The following TM2D1 variants were observed in gnomAD, a reference collection of about 807,000 sequenced individuals.
TM2D1 encodes TM2 domain containing 1.
Under a neutral mutation model 28.4 loss-of-function variants are expected in TM2D1, and 15 were observed. The ratio of observed to expected loss-of-function variants is 0.53; its 90% confidence interval spans 0.35 to 0.81. The LOEUF is 0.81. Ranked by LOEUF, TM2D1 falls within the 40% of genes least tolerant of loss-of-function variation. The probability of loss-of-function intolerance (pLI) is 0.01; values close to 1 mark genes in which losing one functional copy is unlikely to be tolerated. For synonymous variants in TM2D1, 93 were observed against 96.2 expected (o/e 0.97, Z 0.20); for missense variants, 236 against 254.9 (o/e 0.93, Z 0.50).
chr1:61,685,253 T>C (rs1644276809), intron 5 of TM2D1, among the ~76,000 whole-genome samples: 1 of 152,246 alleles, frequency 6.6e-6, no homozygotes, highest in South Asian at 2.1e-4. Flanking sequence ...GTAGGTGATA[T>C]TTAAAATCCT....
rs117279503 is a variant in TM2D1, at chr1:61,724,662, A to G, written c.164+295T>C. 1.3e-3 allele frequency among the ~76,000 whole-genome samples: 201 copies of G among 152,258 alleles called. 7 individuals carry two copies. In the East Asian group the frequency reaches 0.027, roughly 20 times the overall value. ...TCTAGAACGGGGCCTGGCATACTTC[A>G]GGATCTACATGTTTTACTGAACAAG... On this transcript the variant is annotated intron_variant, in intron 1 of 6. Coordinates refer to ENST00000606498, the MANE Select transcript of TM2D1 (RefSeq NM_032027.3).
rs1644351933 is a variant in TM2D1 at position 61,694,724 on chromosome 1, T to G, written c.486A>C (p.Leu162=). The G allele has an allele frequency of 2.1e-5, 34 of 1,607,686 alleles. No homozygotes were observed. Among genetic ancestry groups the G allele is most frequent in the Non-Finnish European group, 2.9e-5 (34 of 1,177,092 alleles). ...GCATTGAAATAAGAATGAAATCAATTAGGCTCCCAATTCCACAAAACCCTA... is the reference window on the plus strand; with the variant it reads ...GCATTGAAATAAGAATGAAATCAATGAGGCTCCCAATTCCACAAAACCCTA... ...CTVGFCGIGS[L]IDFILISMQI... is the part of the protein sequence containing the mutation. Residue 162 remains leucine, a synonymous_variant, in exon 5 of 7, where the codon CTA becomes CTC. Coordinates refer to ENST00000606498, the MANE Select transcript of TM2D1 (RefSeq NM_032027.3).
intron 2 of TM2D1, among the ~76,000 whole-genome samples, chr1:61,722,234 T>C (rs1644573276): frequency 6.6e-6 from 1 of 152,032 alleles, no homozygotes; most frequent in African/African-American, 2.4e-5. Context: ...TGCAGTGAAC[T>C]GAGATGGCAC....
chr1:61,694,609 G>T (rs560439870), intron 5 of TM2D1, 88 bp downstream of exon 5: 2 of 848,014 alleles, frequency 2.4e-6, no homozygotes, highest in Non-Finnish European at 3.6e-6. Flanking sequence ...CTGCTTCCTC[G>T]TATACTAAAC....
Position 61,683,496 on chromosome 1 carries a change from G to C in TM2D1, c.564C>G (p.Thr188=). The C allele has an allele frequency of 6.5e-7, 1 of 1,544,692 alleles. No homozygotes were observed. The highest frequency in any genetic ancestry group is 1.3e-5 in the South Asian group (1 of 76,748). ...GSSYIIDYYG[T]RLTRLSITNE... The stretch of plus-strand genomic sequence containing the variant: ...TAGTAATACTCAGTCTTGTAAGTCT[G>C]GTTCCATAGTAATCTATAATGTAAC... The change falls in exon 6 of 7, where the codon ACC becomes ACG. Residue 188 remains threonine (T), a synonymous_variant. Transcript: ENST00000606498.
In TM2D1 at chr1:61,710,461, T is replaced by C. The variant is rs1182169742; in HGVS notation, c.239-1024A>G. 2.5e-3 allele frequency among the ~76,000 whole-genome samples: 245 copies of C among 97,090 alleles called. 2 individuals carry two copies. The highest frequency in any genetic ancestry group is 8.1e-3 in the South Asian group (23 of 2,850). The allele number at this position is 97,090 out of a possible 152,430, so 63.7% of individuals were successfully genotyped here. ...AAAAAAAAAAATGTATATATATATA[T>C]ACATATATATATATACACACACACA... On this transcript the variant is annotated intron_variant, in intron 2 of 6. Transcript: ENST00000606498.
chr1:61,715,456 T>C (rs1260226447), intron 2 of TM2D1, among the ~76,000 whole-genome samples: 3 of 151,836 alleles, frequency 2.0e-5, no homozygotes, highest in African/African-American at 7.2e-5. Flanking sequence ...GAGACCAGCC[T>C]GGCCAACATG....
chr1:61,721,064 CCAAAAAAATA>C (rs1265840446), intron 2 of TM2D1, among the ~76,000 whole-genome samples: 2 of 151,344 alleles, frequency 1.3e-5, no homozygotes, highest in African/African-American at 4.9e-5. Context: ...ACTCACCCCT[CCAAAAAAATA>C]CAAAAAATTA....
At chr1:61,717,726 AC>A (rs1644532679) in intron 2 of TM2D1, among the ~76,000 whole-genome samples, 1 of 152,054 alleles carries the variant, frequency 6.6e-6, no homozygotes. Flanking sequence ...GGCACACACC[AC>A]CACCACACCT....
chr1:61,688,570 A>T (rs1452016343), intron 5 of TM2D1, among the ~76,000 whole-genome samples: 1 of 152,110 alleles, frequency 6.6e-6, no homozygotes, highest in Non-Finnish European at 1.5e-5. Context: ...TAAAAATACA[A>T]AAATCAGCTG....
intron 4 of TM2D1, chr1:61,698,579 T>C (rs2148046001): frequency 6.7e-6 from 1 of 148,808 alleles, no homozygotes; most frequent in Admixed American, 6.7e-5. Flanking sequence ...AAAAAGAATG[T>C]ATATTCCAGA....
intron 5 of TM2D1, among the ~76,000 whole-genome samples, chr1:61,691,932 A>AAATATATATATATATATATATATATAT: frequency 2.6e-5 from 2 of 76,400 alleles, no homozygotes; most frequent in Non-Finnish European, 5.2e-5. Flanking sequence ...AAAAAAAAAA[A>AAATATATATATATATATATATATATAT]ATATATATAT....
At chr1:61,704,751 C>G (rs1557533375) in intron 3 of TM2D1, among the ~76,000 whole-genome samples, 1 of 151,902 alleles carries the variant, frequency 6.6e-6, no homozygotes, top group African/African-American at 2.4e-5. Flanking sequence ...TTTAAGAAAG[C>G]CAAGAAAGTA....
Position 61,696,921 on chromosome 1 carries a change from AT to A in TM2D1, c.440-2152del, listed in dbSNP as rs564537221. ...TTACAGGCCATCACACCTGGCCTAA[AT>A]TTTTTTTTTTTTCTCATACCTCTCA... On this transcript the variant is annotated intron_variant, in intron 4 of 6. Coordinates refer to ENST00000606498, the MANE Select transcript of TM2D1 (RefSeq NM_032027.3). Among the ~76,000 whole-genome samples, 427 of 146,466 alleles carry A rather than the reference AT, an allele frequency of 2.9e-3. 2 individuals carry two copies. The highest frequency in any genetic ancestry group is 6.0e-3 in the African/African-American group (243 of 40,236).
intron 3 of TM2D1, among the ~76,000 whole-genome samples, chr1:61,706,331 G>A (rs1644440030): frequency 6.6e-6 from 1 of 152,170 alleles, no homozygotes; most frequent in African/African-American, 2.4e-5. Context: ...AGCCTCTCGA[G>A]TAGCTGGGAC....
At chr1:61,717,201 AC>A (rs1301804739) in intron 2 of TM2D1, among the ~76,000 whole-genome samples, 13 of 125,152 alleles carry the variant, frequency 1.0e-4, no homozygotes, top group Admixed American at 7.9e-4. Context: ...ACAAAACAAA[AC>A]AAAAAAAAAA....
chr1:61,691,611 T>G (rs776962287), intron 5 of TM2D1, among the ~76,000 whole-genome samples: 2 of 151,204 alleles, frequency 1.3e-5, no homozygotes, highest in Non-Finnish European at 2.9e-5. Context: ...CTATCCTTCA[T>G]GACATATATA....
rs756903857 is a variant in TM2D1 at position 61,694,716 on chromosome 1, A to T, written c.494T>A (p.Phe165Tyr). ...ACTTACCTGCATTGAAATAAGAATG[A>T]AATCAATTAGGCTCCCAATTCCACA... ...GFCGIGSLID[F>Y]ILISMQIVGP... Residue 165 changes from phenylalanine (F) to tyrosine (Y), a missense_variant, in exon 5 of 7, where the codon TTC becomes TAC. Around this residue, in one of 3 missense-constraint regions of TM2D1, gnomAD observed 64 missense variants for 73.1 expected, o/e 0.88. Coordinates refer to ENST00000606498, the MANE Select transcript of TM2D1 (RefSeq NM_032027.3). The T allele has an allele frequency of 6.2e-7, 1 of 1,605,688 alleles. No individual in the cohort carries two copies. Among genetic ancestry groups the T allele is most frequent in the South Asian group, 1.1e-5 (1 of 89,060 alleles).
intron 3 of TM2D1, among the ~76,000 whole-genome samples, chr1:61,703,718 TTATATATA>T (rs56267637): frequency 0.24 from 24,098 of 98,760 alleles, 3,746 homozygotes; most frequent in East Asian, 0.54. Context: ...TAGCCAATCT[TTATATATA>T]TATATATATA....
Sources: allele counts gnomAD v4.1 joint callset (sites outside exome capture counted in the v4.1 genomes callset), GRCh38; gene constraint gnomAD v4.1.1; regional missense constraint gnomAD v4.1.1; transcripts MANE v1.5; gene names NCBI Gene and HGNC (gene_info 2026-07-23, HGNC 2026-07-21).